The following SMAP1 variants were observed in gnomAD, a reference collection of about 807,000 sequenced individuals.
SMAP1 encodes the protein stromal membrane-associated protein 1.
SMAP1 carries 24 observed loss-of-function variants against 58.5 expected under a neutral mutation model. That is an observed-to-expected ratio of 0.41 (90% CI 0.30 to 0.58). SMAP1 has a LOEUF of 0.58. Ranked by LOEUF, SMAP1 falls within the 20% of genes least tolerant of loss-of-function variation. The pLI, the probability that SMAP1 is intolerant of heterozygous loss-of-function variation, is 0.29. For synonymous variants in SMAP1, 216 were observed against 196.6 expected, an observed-to-expected ratio of 1.10 and a Z score of -0.82; for missense variants, 563 against 566.3, an observed-to-expected ratio of 0.99 and a Z score of 0.06.
chr6:70,786,074 T>G (rs1768011491), intron 4 of SMAP1, among the ~76,000 whole-genome samples: 1 of 152,148 alleles, frequency 6.6e-6, no homozygotes, highest in Admixed American at 6.5e-5. Flanking sequence ...GCAAACTGAA[T>G]CCAGCAGCAC....
rs780329540 is a variant in SMAP1, at chr6:70,856,860, G to A, written c.791G>A (p.Gly264Glu). ...LPATVMPPAQ[G>E]TPSAPAAATL... Reference sequence around the variant, plus strand: ...AGCTTATTTTGGTGTTTGTCTCAGGGGACACCCTCTGCACCAGCAGCTGCA... The same window carrying A: ...AGCTTATTTTGGTGTTTGTCTCAGGAGACACCCTCTGCACCAGCAGCTGCA... Residue 264 changes from glycine to glutamate, a missense_variant and splice_region_variant, in exon 9 of 11, where the codon GGG (glycine) becomes GAG (glutamate). Transcript: ENST00000370455. 3.1e-6 allele frequency: 5 copies of A among 1,607,720 alleles called. No individual in the cohort carries two copies. In the South Asian group the frequency reaches 5.6e-5, roughly 18 times the overall value.
At chr6:70,677,175 A>G (rs1766513982) in intron 1 of SMAP1, among the ~76,000 whole-genome samples, 2 of 147,464 alleles carry the variant, frequency 1.4e-5, no homozygotes, top group South Asian at 4.2e-4. Flanking sequence ...TCATATATAT[A>G]TATAATTTTT....
intron 2 of SMAP1, among the ~76,000 whole-genome samples, chr6:70,750,687 A>G (rs941838791): frequency 2.6e-5 from 4 of 152,188 alleles, no homozygotes; most frequent in Non-Finnish European, 5.9e-5. Flanking sequence ...TGTATGTACT[A>G]GATTATGTGG....
chr6:70,857,104 T>C lies in SMAP1; in HGVS notation c.961+74T>C, dbSNP rs1183674174. The C allele has an allele frequency of 2.9e-6, 4 of 1,379,778 alleles. No individual in the cohort carries two copies. In the African/African-American group the frequency reaches 5.9e-5, roughly 20 times the overall value. The allele number at this position is 1,379,778 out of a possible 1,614,324, so 85.5% of individuals were successfully genotyped here. ...CTTTGTAATTATATAATAAGATCAA[T>C]TATATATCTTTTATTGTTCCATGTA... On this transcript the variant is annotated intron_variant, in intron 9 of 10. Coordinates refer to ENST00000370455, the MANE Select transcript of SMAP1 (RefSeq NM_001044305.3).
chr6:70,849,236 G>C (rs1771099164), intron 7 of SMAP1, among the ~76,000 whole-genome samples: 1 of 152,166 alleles, frequency 6.6e-6, no homozygotes, highest in South Asian at 2.1e-4. Flanking sequence ...TTGCCACAAA[G>C]ATTGCTGTCC....
intron 1 of SMAP1, among the ~76,000 whole-genome samples, chr6:70,686,739 T>G (rs1766951769): frequency 1.3e-5 from 2 of 152,208 alleles, no homozygotes; most frequent in African/African-American, 2.4e-5. Context: ...TGCCCTCTGC[T>G]GGTGAAAATG....
Position 70,861,702 on chromosome 6 carries a change from C to T in SMAP1, c.*1368C>T. 1 of 1,614,110 alleles carries T rather than the reference C, an allele frequency of 6.2e-7. No individual in the cohort carries two copies. Among genetic ancestry groups the T allele is most frequent in the Non-Finnish European group, 8.5e-7 (1 of 1,179,980 alleles). On this transcript the variant is annotated 3_prime_UTR_variant, in exon 11 of 11. Coordinates refer to ENST00000370455, the MANE Select transcript of SMAP1 (RefSeq NM_001044305.3). Reference sequence around the variant, plus strand: ...TCACTGTGTCCAGGTGGTACTTTGGCTCGTTGGCTAGATTAACCTTCTCTG... The same window carrying T: ...TCACTGTGTCCAGGTGGTACTTTGGTTCGTTGGCTAGATTAACCTTCTCTG...
At chr6:70,767,322 A>G (rs371627382) in intron 3 of SMAP1, among the ~76,000 whole-genome samples, 8 of 152,010 alleles carry the variant, frequency 5.3e-5, no homozygotes, top group Non-Finnish European at 8.8e-5. Flanking sequence ...CATTGAATCT[A>G]TAAATTACCT....
chr6:70,829,039 T>C (rs1770254239), intron 6 of SMAP1, among the ~76,000 whole-genome samples: 1 of 152,136 alleles, frequency 6.6e-6, no homozygotes, highest in Non-Finnish European at 1.5e-5. Context: ...GAGTGCACCG[T>C]GTTTCCTATT....
At chr6:70,761,290 G>A (rs1195062396) in intron 3 of SMAP1, among the ~76,000 whole-genome samples, 1 of 151,942 alleles carries the variant, frequency 6.6e-6, no homozygotes, top group African/African-American at 2.4e-5. Flanking sequence ...ATAACTGTAG[G>A]CATGGGGAAG....
At chr6:70,703,195 G>C (rs1767706123) in intron 1 of SMAP1, among the ~76,000 whole-genome samples, 1 of 151,956 alleles carries the variant, frequency 6.6e-6, no homozygotes, top group African/African-American at 2.4e-5. Context: ...TCCTGCTTCA[G>C]CCTCCCAAGT....
intron 1 of SMAP1, among the ~76,000 whole-genome samples, chr6:70,677,179 A>AC (rs1766514322): frequency 6.8e-6 from 1 of 147,534 alleles, no homozygotes; most frequent in African/African-American, 2.5e-5. Flanking sequence ...ATATATATAT[A>AC]ATTTTTTTTT....
At chr6:70,671,254 A>C (rs1444404422) in intron 1 of SMAP1, among the ~76,000 whole-genome samples, 1 of 151,834 alleles carries the variant, frequency 6.6e-6, no homozygotes, top group African/African-American at 2.4e-5. Context: ...CATCAGGAGT[A>C]GCCTGAACTT....
At chr6:70,755,285 A>G (rs1766440262) in intron 3 of SMAP1, among the ~76,000 whole-genome samples, 1 of 152,002 alleles carries the variant, frequency 6.6e-6, no homozygotes, top group Non-Finnish European at 1.5e-5. Flanking sequence ...CACGATACAT[A>G]TGGTATTTAG....
At chr6:70,832,407 G>A (rs929421189) in intron 6 of SMAP1, among the ~76,000 whole-genome samples, 1 of 152,132 alleles carries the variant, frequency 6.6e-6, no homozygotes, top group Non-Finnish European at 1.5e-5. Context: ...ACAACACCTA[G>A]CTATTTAAAA....
intron 1 of SMAP1, among the ~76,000 whole-genome samples, chr6:70,691,560 A>G (rs1232958629): frequency 6.6e-6 from 1 of 152,130 alleles, no homozygotes; most frequent in East Asian, 1.9e-4. Context: ...TTCTAACTAT[A>G]TATTTAAACC....
intron 1 of SMAP1, among the ~76,000 whole-genome samples, chr6:70,702,606 A>G (rs750815811): frequency 2.7e-5 from 4 of 150,634 alleles, no homozygotes; most frequent in Non-Finnish European, 5.9e-5. Flanking sequence ...TCTTCTTCAC[A>G]TGTTCAGCCT....
At chr6:70,773,285 G>T (rs1400134577) in intron 3 of SMAP1, 65 bp from the exon 4 acceptor site, 5 of 930,874 alleles carry the variant, frequency 5.4e-6, no homozygotes, top group Non-Finnish European at 8.3e-6. Flanking sequence ...TTGTGGAGTG[G>T]CGTGAATAAA....
chr6:70,803,795 G>T (rs774543091), intron 6 of SMAP1, among the ~76,000 whole-genome samples: 1 of 152,158 alleles, frequency 6.6e-6, no homozygotes, highest in Non-Finnish European at 1.5e-5. Flanking sequence ...ATGTAGATGT[G>T]CAGTTTTGAA....
Sources: allele counts gnomAD v4.1 joint callset (sites outside exome capture counted in the v4.1 genomes callset), GRCh38; gene constraint gnomAD v4.1.1; transcripts MANE v1.5; gene names NCBI Gene and HGNC (gene_info 2026-07-23, HGNC 2026-07-21).